Variants in APBB1IP observed in about 807,000 individuals in gnomAD.
APBB1IP encodes the protein amyloid beta A4 precursor protein-binding family B member 1-interacting protein.
A neutral mutation model predicts 64.9 loss-of-function variants in APBB1IP; 27 were observed. The ratio of observed to expected loss-of-function variants is 0.42; its 90% CI spans 0.31 to 0.57. The LOEUF (loss-of-function observed/expected upper bound fraction) is 0.57. Among genes scored for constraint, APBB1IP ranks in the 20% least tolerant of loss-of-function variants. The pLI is 0.20. For missense variants in APBB1IP, 812 were observed against 845.5 expected, an observed-to-expected ratio of 0.96 and a Z score of 0.49; for synonymous variants, 392 against 331.0, an observed-to-expected ratio of 1.18 and a Z score of -2.00.
At chr10:26,535,652 CT>C (rs1836611896) in intron 9 of APBB1IP, among the ~76,000 whole-genome samples, 1 of 152,104 alleles carries the variant, frequency 6.6e-6, no homozygotes, top group African/African-American at 2.4e-5. Context: ...GAAATGGTAA[CT>C]TTTTTACTTA....
intron 11 of APBB1IP, among the ~76,000 whole-genome samples, chr10:26,559,480 G>A (rs1836938843): frequency 6.6e-6 from 1 of 152,050 alleles, no homozygotes; most frequent in Non-Finnish European, 1.5e-5. Context: ...AGGAAGCTGA[G>A]GAGGGAGGAT....
chr10:26,519,531 A>G (rs1836377219), intron 8 of APBB1IP, among the ~76,000 whole-genome samples: 1 of 152,194 alleles, frequency 6.6e-6, no homozygotes, highest in African/African-American at 2.4e-5. Context: ...CACTAAAGAC[A>G]TGGTGCTAAA....
At chr10:26,447,007 GTGCA>G (rs1269220484) in intron 2 of APBB1IP, among the ~76,000 whole-genome samples, 1 of 152,070 alleles carries the variant, frequency 6.6e-6, no homozygotes, top group African/African-American at 2.4e-5. Flanking sequence ...AAATAATATG[GTGCA>G]GATAATGATT....
chr10:26,553,843 T>C (rs889756946), intron 11 of APBB1IP, among the ~76,000 whole-genome samples: 6 of 152,204 alleles, frequency 3.9e-5, no homozygotes, highest in African/African-American at 1.4e-4. Flanking sequence ...TCATGGCATC[T>C]TTTGCATTGA....
chr10:26,516,563 T>TAAAAAAAAAAAAAAAAAAAAA (rs1198670517), intron 8 of APBB1IP, among the ~76,000 whole-genome samples: 44 of 53,214 alleles, frequency 8.3e-4, no homozygotes, highest in East Asian at 5.0e-3. Flanking sequence ...AAAAAAAAAG[T>TAAAAAAAAAAAAAAAAAAAAA]AAAGCGGAAA....
Position 26,567,676 on chromosome 10 carries a change from A to G in APBB1IP, c.*188A>G. 7.6e-7 allele frequency: 1 copy of G among 1,308,250 alleles called. No individual in the cohort carries two copies. Among genetic ancestry groups the G allele is most frequent in the Non-Finnish European group, 9.9e-7 (1 of 1,008,824 alleles). The allele number at this position is 1,308,250 out of a possible 1,614,324, so 81.0% of individuals were successfully genotyped here. A position where few individuals can be genotyped will look rare whatever the true frequency, so the allele number is the denominator to read the frequency against. On this transcript the variant is annotated 3_prime_UTR_variant, in exon 15 of 15. Transcript: ENST00000376236. ...TCAGAATATCTGCCCAAATGTACAT[A>G]TCGTTCCCATGTATTTTAACCTAAA...
chr10:26,548,850 T>C (rs1297674355), intron 11 of APBB1IP, among the ~76,000 whole-genome samples: 1 of 152,234 alleles, frequency 6.6e-6, no homozygotes, highest in African/African-American at 2.4e-5. Context: ...TCTTGCCTAG[T>C]TGGTCTCGCT....
chr10:26,505,874 T>C (rs1026151555), intron 6 of APBB1IP, among the ~76,000 whole-genome samples: 4 of 152,194 alleles, frequency 2.6e-5, no homozygotes, highest in African/African-American at 9.7e-5. Context: ...AAGTCTCCGA[T>C]GTCTGACCAT....
chr10:26,527,316 G>A (rs961672476), intron 8 of APBB1IP, among the ~76,000 whole-genome samples: 2 of 152,166 alleles, frequency 1.3e-5, no homozygotes, highest in Non-Finnish European at 2.9e-5. Context: ...GGGAGGCAGA[G>A]CAGGAGGATC....
Position 26,533,511 on chromosome 10 carries a change from G to C in APBB1IP, c.886G>C (p.Glu296Gln). The part of the protein sequence containing the change: ...TNEKMNAKNK[E>Q]SLLEESFCGT... ...TGAGAAAATGAATGCTAAGAACAAG[G>C]AATCCTTACTTGAGGTAAGGTTAAT... Residue 296 changes from glutamate (E) to glutamine (Q), a missense_variant, in exon 9 of 15, where the codon GAA (glutamate) becomes CAA (glutamine). Around this residue, in one of 3 missense-constraint regions of APBB1IP, gnomAD observed 394 missense variants for 413.1 expected, o/e 0.95. Transcript: ENST00000376236. 1 of 1,602,964 alleles carries C rather than the reference G, an allele frequency of 6.2e-7. No individual in the cohort carries two copies. Among genetic ancestry groups the C allele is most frequent in the Non-Finnish European group, 8.5e-7 (1 of 1,175,488 alleles).
chr10:26,534,209 C>G (rs1421247323), intron 9 of APBB1IP, among the ~76,000 whole-genome samples: 3 of 146,788 alleles, frequency 2.0e-5, no homozygotes, highest in African/African-American at 5.1e-5. Context: ...ACCTGTAATC[C>G]CAGCTACTCA....
intron 2 of APBB1IP, among the ~76,000 whole-genome samples, chr10:26,459,352 G>A (rs2132405375): frequency 6.6e-6 from 1 of 151,978 alleles, no homozygotes; most frequent in South Asian, 2.1e-4. Context: ...TTGGACATTT[G>A]GGTCGGTTCC....
chr10:26,493,540 C>T (rs937669968), intron 3 of APBB1IP, among the ~76,000 whole-genome samples: 7 of 152,286 alleles, frequency 4.6e-5, no homozygotes, highest in Non-Finnish European at 4.4e-5. Context: ...TGGCTTCAGC[C>T]GGTCCCTCCA....
At chr10:26,442,677 G>C (rs1835349910) in intron 2 of APBB1IP, among the ~76,000 whole-genome samples, 1 of 152,184 alleles carries the variant, frequency 6.6e-6, no homozygotes, top group South Asian at 2.1e-4. Context: ...ATCTACAAAA[G>C]ATGATGTATA....
chr10:26,504,873 G>A (rs1836155076), intron 6 of APBB1IP, among the ~76,000 whole-genome samples: 2 of 152,082 alleles, frequency 1.3e-5, no homozygotes, highest in African/African-American at 4.8e-5. Context: ...TCCTCCCTCA[G>A]CCTTCTGAGT....
rs1836578730 is a variant in APBB1IP, at chr10:26,533,429, T to C, written c.814-10T>C. ...CACTTACTGATCTGATCTTTTAACATTTTATTTAGAATTTCTACTTGGATA... is the reference window on the plus strand; with the variant it reads ...CACTTACTGATCTGATCTTTTAACACTTTATTTAGAATTTCTACTTGGATA... On this transcript the variant is annotated splice_polypyrimidine_tract_variant and intron_variant, in intron 8 of 14. Coordinates refer to ENST00000376236, the MANE Select transcript of APBB1IP (RefSeq NM_019043.4). 6.5e-7 allele frequency: 1 copy of C among 1,543,448 alleles called. No homozygotes were observed. Among genetic ancestry groups the C allele is most frequent in the Admixed American group, 1.8e-5 (1 of 56,102 alleles).
At chr10:26,470,812 C>T (rs1032448867) in intron 2 of APBB1IP, among the ~76,000 whole-genome samples, 13 of 152,120 alleles carry the variant, frequency 8.5e-5, no homozygotes, top group Admixed American at 7.9e-4. Flanking sequence ...CCAACCTCAG[C>T]CTGTGTCCTT....
At chr10:26,498,336 C>T (rs1186861832) in intron 4 of APBB1IP, among the ~76,000 whole-genome samples, 4 of 151,848 alleles carry the variant, frequency 2.6e-5, no homozygotes, top group Non-Finnish European at 4.4e-5. Flanking sequence ...TGATGAAACC[C>T]CATCTCTACT....
chr10:26,555,512 C>T (rs1309736677), intron 11 of APBB1IP, among the ~76,000 whole-genome samples: 1 of 152,156 alleles, frequency 6.6e-6, no homozygotes, highest in Non-Finnish European at 1.5e-5. Flanking sequence ...GATTTGATTA[C>T]ATCAGGTGTT....
Sources: allele counts gnomAD v4.1 joint callset (sites outside exome capture counted in the v4.1 genomes callset), GRCh38; gene constraint gnomAD v4.1.1; regional missense constraint gnomAD v4.1.1; transcripts MANE v1.5; gene names NCBI Gene and HGNC (gene_info 2026-07-23, HGNC 2026-07-21).